Variants in GGPS1 observed in about 807,000 individuals in gnomAD.
The protein encoded by GGPS1 is geranylgeranyl pyrophosphate synthase.
A neutral mutation model predicts 28.1 loss-of-function variants in GGPS1; 15 were observed. That is an observed-to-expected ratio of 0.53 (90% CI 0.36 to 0.82). The LOEUF is 0.82. Ranked by LOEUF, GGPS1 falls within the 40% of genes least tolerant of loss-of-function variation. GGPS1 has a pLI of 0.01. For synonymous variants in GGPS1, 138 were observed against 122.4 expected (o/e 1.13, Z -0.84); for missense variants, 284 against 348.3 (o/e 0.82, Z 1.47).
At chr1:235,338,760 G>A (rs914994032) in intron 2 of GGPS1, among the ~76,000 whole-genome samples, 3 of 152,148 alleles carry the variant, frequency 2.0e-5, no homozygotes, top group East Asian at 1.9e-4. Context: ...GCTTGTTCTT[G>A]TAGTCCCAGC....
intron 1 of GGPS1, among the ~76,000 whole-genome samples, chr1:235,333,067 CAAAAAAAAAAAAAA>C (rs5781828): frequency 2.3e-5 from 1 of 43,318 alleles, no homozygotes; most frequent in Non-Finnish European, 3.9e-5. Context: ...GACTCCGTCT[CAAAAAAAAAAAAAA>C]AAAAAAAAAA....
At chr1:235,331,971 C>G (rs1023522296) in intron 1 of GGPS1, among the ~76,000 whole-genome samples, 1 of 152,124 alleles carries the variant, frequency 6.6e-6, no homozygotes, top group African/African-American at 2.4e-5. Context: ...CTGATTGTCA[C>G]CAAATTGGGT....
intron 1 of GGPS1, chr1:235,330,051 CT>C (rs1424767524): frequency 2.0e-5 from 3 of 152,146 alleles, no homozygotes; most frequent in Admixed American, 2.0e-4. Flanking sequence ...ACTAATGCCT[CT>C]TTACATTTAA....
chr1:235,341,908 T>C, intron 3 of GGPS1, 103 bp from the exon 4 acceptor site: 1 of 881,586 alleles, frequency 1.1e-6, no homozygotes, highest in South Asian at 1.7e-5. Flanking sequence ...TAAATATTTA[T>C]TAGTTGTGAA....
At chr1:235,340,226 A>G (rs1675992994) in intron 2 of GGPS1, among the ~76,000 whole-genome samples, 2 of 152,196 alleles carry the variant, frequency 1.3e-5, no homozygotes, top group African/African-American at 4.8e-5. Flanking sequence ...TAATTTCAGC[A>G]ATTTGGGAGG....
intron 2 of GGPS1, among the ~76,000 whole-genome samples, chr1:235,337,744 G>C (rs993284698): frequency 2.0e-5 from 3 of 151,790 alleles, no homozygotes; most frequent in Non-Finnish European, 4.4e-5. Context: ...AGGAGCCTAG[G>C]AGGCAGAGGT....
In GGPS1 at chr1:235,342,354, T is replaced by G; in HGVS notation, c.485T>G (p.Leu162Arg). ...GGACTGTTTGGATTAGCAGTAGGTCTCATGCAGTTGTTCTCTGATTACAAA... is the reference window on the plus strand; with the variant it reads ...GGACTGTTTGGATTAGCAGTAGGTCGCATGCAGTTGTTCTCTGATTACAAA... ...TGGLFGLAVG[L>R]MQLFSDYKED... The change falls in exon 4 of 4, where the codon CTC becomes CGC. Residue 162 changes from leucine (L) to arginine (R), a missense_variant. Coordinates refer to ENST00000282841, the MANE Select transcript of GGPS1 (RefSeq NM_004837.4). 1 of 1,614,072 alleles carries G rather than the reference T, an allele frequency of 6.2e-7. No individual in the cohort carries two copies. Among genetic ancestry groups the G allele is most frequent in the Non-Finnish European group, 8.5e-7 (1 of 1,179,864 alleles).
intron 2 of GGPS1, among the ~76,000 whole-genome samples, chr1:235,339,168 G>T (rs926581657): frequency 2.6e-5 from 4 of 151,850 alleles, no homozygotes; most frequent in Non-Finnish European, 5.9e-5. Flanking sequence ...ATTTAGTGGC[G>T]CACGACTGTA....
At chr1:235,336,391 A>G (rs1675865194) in intron 2 of GGPS1, among the ~76,000 whole-genome samples, 1 of 40,232 alleles carries the variant, frequency 2.5e-5, no homozygotes, top group African/African-American at 1.3e-4. Flanking sequence ...CTCCGACTCA[A>G]AAAAAAAGAA....
intron 1 of GGPS1, among the ~76,000 whole-genome samples, chr1:235,330,987 T>C (rs1393396098): frequency 6.6e-6 from 1 of 152,212 alleles, no homozygotes; most frequent in Admixed American, 6.5e-5. Flanking sequence ...TTCTTCCTGT[T>C]TTGCATCTTC....
chr1:235,340,563 C>T (rs1422620068), intron 2 of GGPS1, among the ~76,000 whole-genome samples: 2 of 150,400 alleles, frequency 1.3e-5, no homozygotes, highest in East Asian at 2.0e-4. Flanking sequence ...GGTGAAACCC[C>T]GTCTCTACTA....
intron 1 of GGPS1, among the ~76,000 whole-genome samples, chr1:235,332,822 G>A (rs1675756523): frequency 6.6e-6 from 1 of 152,066 alleles, no homozygotes. Context: ...CTGGGCTATA[G>A]AAGATGACTT....
chr1:235,333,526 G>A (rs552265994), intron 1 of GGPS1, among the ~76,000 whole-genome samples: 1 of 148,934 alleles, frequency 6.7e-6, no homozygotes, highest in East Asian at 2.0e-4. Flanking sequence ...CCAAGATTGC[G>A]CCACTGCACT....
Position 235,344,397 on chromosome 1 carries a change from A to G in GGPS1, c.*1625A>G, listed in dbSNP as rs1207000417. ...CTCCCATTTTAATAGTGATAAGGAA[A>G]CCTGTTAAAATCATGGCTATTGATG... On this transcript the variant is annotated 3_prime_UTR_variant, in exon 4 of 4. Coordinates refer to ENST00000282841, the MANE Select transcript of GGPS1 (RefSeq NM_004837.4). 2 of 167,000 alleles carry G rather than the reference A, an allele frequency of 1.2e-5. No homozygotes were observed. The highest frequency in any genetic ancestry group is 2.4e-5 in the African/African-American group (1 of 41,436). 10.3% of individuals were successfully genotyped at this position (167,000 alleles called of 1,614,324 possible). A position where few individuals can be genotyped will look rare whatever the true frequency, so the allele number is the denominator to read the frequency against.
intron 1 of GGPS1, among the ~76,000 whole-genome samples, chr1:235,330,934 A>G (rs1237676988): frequency 6.6e-6 from 1 of 152,246 alleles, no homozygotes; most frequent in East Asian, 1.9e-4. Context: ...TTTTAATTCT[A>G]CTTTTAATGA....
chr1:235,334,636 T>C (rs1041160859), intron 1 of GGPS1, among the ~76,000 whole-genome samples: 1 of 152,258 alleles, frequency 6.6e-6, no homozygotes. Flanking sequence ...CTCTGTAGAT[T>C]GGCTTATTCT....
Position 235,337,725 on chromosome 1 carries a change from G to A in GGPS1, c.70+2391G>A, listed in dbSNP as rs370600403. ...ATGCCTGTAGTCCCAGCTGAGGCAC[G>A]GGAGTCACAGGAGCCTAGGAGGCAG... On this transcript the variant is annotated intron_variant, in intron 2 of 3. Transcript: ENST00000282841. Among the ~76,000 whole-genome samples the A allele has an allele frequency of 3.9e-5, 6 of 151,938 alleles. No homozygotes were observed. The South Asian group carries it at 1.0e-3, about 26-fold the overall frequency.
chr1:235,337,892 CTTATGT>C (rs1268992910), intron 2 of GGPS1, among the ~76,000 whole-genome samples: 1 of 148,994 alleles, frequency 6.7e-6, no homozygotes, highest in Non-Finnish European at 1.5e-5. Context: ...TTGCTGTCAT[CTTATGT>C]TTATGTTTGT....
chr1:235,339,253 C>T (rs1572272617), intron 2 of GGPS1, among the ~76,000 whole-genome samples: 1 of 150,692 alleles, frequency 6.6e-6, no homozygotes, highest in South Asian at 2.1e-4. Flanking sequence ...GAGCCAAGAT[C>T]GTGACACTGT....
Sources: allele counts gnomAD v4.1 joint callset (sites outside exome capture counted in the v4.1 genomes callset), GRCh38; gene constraint gnomAD v4.1.1; transcripts MANE v1.5; gene names NCBI Gene and HGNC (gene_info 2026-07-23, HGNC 2026-07-21).